The following PCDHGB3 variants were observed in gnomAD, a reference collection of about 807,000 sequenced individuals.
PCDHGB3 encodes the protein protocadherin gamma-B3.
PCDHGB3 carries 40 observed loss-of-function variants against 59.2 expected under a neutral mutation model. The ratio of observed to expected loss-of-function variants is 0.68; its 90% CI spans 0.52 to 0.88. The LOEUF (loss-of-function observed/expected upper bound fraction) is 0.88, where lower values mean the gene tolerates loss of function less well. Ranked by LOEUF, PCDHGB3 falls within the 40% of genes least tolerant of loss-of-function variation. The pLI is 0.00. For synonymous variants in PCDHGB3, 581 were observed against 503.6 expected, an observed-to-expected ratio of 1.15 and a Z score of -2.06; for missense variants, 1,309 against 1,187.9, an observed-to-expected ratio of 1.10 and a Z score of -1.50.
chr5:141,489,284 T>A lies in PCDHGB3; in HGVS notation c.2416-5523T>A. On this transcript the variant is annotated intron_variant, in intron 1 of 3. Transcript: ENST00000576222. This position sits in a 1 kb window ranked among gnomAD's most constrained non-coding sequence, Gnocchi z 4.5. ...CCACAGCTCGCTGGGAAATGGCAAG[T>A]GCTGTGCATGTTGTCCTTGTGCTGC... The A allele has an allele frequency of 6.4e-7, 1 of 1,570,016 alleles. No homozygotes were observed. The highest frequency in any genetic ancestry group is 2.2e-5 in the East Asian group (1 of 44,588).
At position 141,423,201 on chromosome 5, in the gene PCDHGB3, C is replaced by T. The variant is rs749613139; in HGVS notation, c.2415+50392C>T. 24 of 1,613,628 alleles carry T rather than the reference C, an allele frequency of 1.5e-5. No homozygotes were observed. The South Asian group carries it at 1.5e-4, about 10-fold the overall frequency. ...ACGGCCAGCCCCCTCTCTCGGCCAC[C>T]GTCACGCTCACCGTGGCTGTGGCCG... On this transcript the variant is annotated intron_variant, in intron 1 of 3. Coordinates refer to ENST00000576222, the MANE Select transcript of PCDHGB3 (RefSeq NM_018924.5).
In PCDHGB3 at chr5:141,491,244, T is replaced by G. The variant is rs754328211; in HGVS notation, c.2416-3563T>G. The G allele has an allele frequency of 6.2e-6, 10 of 1,614,092 alleles. No homozygotes were observed. The South Asian group carries it at 1.1e-4, about 18-fold the overall frequency. ...CCACAGTGCTGCTGGTTCTGGAGGA[T>G]GAGGACCCTGAGGAAATGCCCAAAT... On this transcript the variant is annotated intron_variant, in intron 1 of 3. Transcript: ENST00000576222. This position sits in a 1 kb window ranked among gnomAD's most constrained non-coding sequence, Gnocchi z 6.9.
intron 1 of PCDHGB3, chr5:141,400,157 C>G (rs778405500): frequency 3.7e-6 from 6 of 1,614,050 alleles, no homozygotes; most frequent in African/African-American, 1.3e-5. Context: ...CGCCCTGTAC[C>G]CTCTGACCCC....
intron 1 of PCDHGB3, among the ~76,000 whole-genome samples, chr5:141,481,309 T>C (rs577046585): frequency 2.6e-4 from 39 of 152,310 alleles, no homozygotes; most frequent in African/African-American, 9.1e-4. Context: ...GGAAAAACCT[T>C]CCTAAAGCAC....
rs201120335 is a variant in PCDHGB3, at chr5:141,389,439, G to T, written c.2415+16630G>T. On this transcript the variant is annotated intron_variant, in intron 1 of 3. Transcript: ENST00000576222. ...GGTGGTGTTCGCGCAGCGCGCCTTC[G>T]ACCACGAGCAGCTGCGCGCCTTCGA... The T allele has an allele frequency of 4.0e-4, 652 of 1,610,462 alleles. No individual in the cohort carries two copies. The highest frequency in any genetic ancestry group is 5.4e-4 in the Non-Finnish European group (638 of 1,178,376).
At chr5:141,418,655 G>A in intron 1 of PCDHGB3, 5 of 1,614,002 alleles carry the variant, frequency 3.1e-6, no homozygotes, top group Non-Finnish European at 4.2e-6. Flanking sequence ...GAGAGTGAAG[G>A]CCACTGACCA....
At chr5:141,373,625 T>C (rs941241888) in intron 1 of PCDHGB3, among the ~76,000 whole-genome samples, 3 of 152,254 alleles carry the variant, frequency 2.0e-5, no homozygotes, top group African/African-American at 7.2e-5. Context: ...GATTGTAATA[T>C]TATTTCTGTT....
rs144490159 is a variant in PCDHGB3, at chr5:141,418,260, G to A, written c.2415+45451G>A. The A allele has an allele frequency of 5.0e-3, 7,995 of 1,614,000 alleles. 44 individuals carry two copies. Among genetic ancestry groups the A allele is most frequent in the Admixed American group, 9.4e-3 (566 of 60,026 alleles). ...GTTAATGACCACGCCCCTCAATTCCGGAAAGATGAAATAAACTTAGAAATC... is the reference window on the plus strand; with the variant it reads ...GTTAATGACCACGCCCCTCAATTCCAGAAAGATGAAATAAACTTAGAAATC... On this transcript the variant is annotated intron_variant, in intron 1 of 3. Coordinates refer to ENST00000576222, the MANE Select transcript of PCDHGB3 (RefSeq NM_018924.5).
intron 2 of PCDHGB3, among the ~76,000 whole-genome samples, chr5:141,495,720 G>A (rs1048453188): frequency 2.6e-5 from 4 of 152,080 alleles, no homozygotes; most frequent in Non-Finnish European, 5.9e-5. Context: ...GTAACTACAC[G>A]GGACCCTTAG....
At chr5:141,375,722 T>TCA (rs1339196797) in intron 1 of PCDHGB3, 5 of 1,614,260 alleles carry the variant, frequency 3.1e-6, no homozygotes, top group African/African-American at 2.7e-5. Context: ...CAGCAACGTG[T>TCA]CACTGAGCCT....
At chr5:141,494,972 C>T (rs1005793988) in intron 2 of PCDHGB3, 107 bp downstream of exon 2, 69 of 1,581,734 alleles carry the variant, frequency 4.4e-5, no homozygotes, top group Non-Finnish European at 5.9e-5. Context: ...TGGCTTCTCC[C>T]TCAGTTTGAG....
intron 1 of PCDHGB3, among the ~76,000 whole-genome samples, chr5:141,455,445 C>T (rs1175054167): frequency 6.6e-6 from 1 of 152,134 alleles, no homozygotes; most frequent in Non-Finnish European, 1.5e-5. Context: ...TCCCCATCTA[C>T]CGCGGATACC....
At chr5:141,445,632 T>C (rs940642775) in intron 1 of PCDHGB3, among the ~76,000 whole-genome samples, 19 of 152,116 alleles carry the variant, frequency 1.2e-4, no homozygotes, top group Admixed American at 1.1e-3. Flanking sequence ...GAAAGTGATA[T>C]TTAGAGAGAT....
intron 1 of PCDHGB3, chr5:141,422,637 C>T (rs980166515): frequency 8.7e-5 from 141 of 1,612,568 alleles, no homozygotes; most frequent in Non-Finnish European, 1.2e-4. Flanking sequence ...CCAGGGGTGC[C>T]TCCATCTTCT....
intron 1 of PCDHGB3, among the ~76,000 whole-genome samples, chr5:141,467,395 G>A (rs1197131223): frequency 6.6e-6 from 1 of 152,056 alleles, no homozygotes; most frequent in African/African-American, 2.4e-5. Flanking sequence ...TTAAGTCATA[G>A]TTAGAAAGCC....
intron 1 of PCDHGB3, chr5:141,427,595 C>A: frequency 1.5e-6 from 1 of 681,870 alleles, no homozygotes; most frequent in Non-Finnish European, 2.7e-6. Flanking sequence ...CAAGCCTCAC[C>A]CTACGCATTG....
chr5:141,445,433 C>A (rs2098466883), intron 1 of PCDHGB3, among the ~76,000 whole-genome samples: 1 of 152,136 alleles, frequency 6.6e-6, no homozygotes, highest in Non-Finnish European at 1.5e-5. Flanking sequence ...AAGGCACTGA[C>A]CTATGGACTA....
intron 2 of PCDHGB3, among the ~76,000 whole-genome samples, chr5:141,495,521 C>G (rs1385879589): frequency 6.6e-6 from 1 of 152,144 alleles, no homozygotes; most frequent in Non-Finnish European, 1.5e-5. Flanking sequence ...TTTCTCTTAC[C>G]TCTCAGTCCT....
chr5:141,485,444 G>A lies in PCDHGB3; in HGVS notation c.2416-9363G>A. 1 of 1,614,110 alleles carries A rather than the reference G, an allele frequency of 6.2e-7. No individual in the cohort carries two copies. Among genetic ancestry groups the A allele is most frequent in the Non-Finnish European group, 8.5e-7 (1 of 1,180,020 alleles). On this transcript the variant is annotated intron_variant, in intron 1 of 3. Coordinates refer to ENST00000576222, the MANE Select transcript of PCDHGB3 (RefSeq NM_018924.5). This position sits in a 1 kb window ranked among gnomAD's most constrained non-coding sequence, Gnocchi z 5.7. ...AGCCCTGCTCATCAAGAACCCAATC[G>A]ACCGAGAGGCACTGTGTGGGCTCAG...
Sources: gnomAD v4.1 joint callset for allele counts (sites outside exome capture counted in the v4.1 genomes callset) on GRCh38, gnomAD v4.1.1 for gene constraint, Gnocchi (gnomAD v3.1) non-coding constraint, MANE v1.5 for transcripts, NCBI Gene and HGNC (gene_info 2026-07-23, HGNC 2026-07-21) for gene names.